Variants in SOS1 observed in about 807,000 individuals in gnomAD.
SOS1 encodes the protein son of sevenless homolog 1.
In SOS1, 25 loss-of-function variants were observed where a neutral mutation model predicts 157.6. That is an observed-to-expected ratio of 0.16 (90% CI 0.12 to 0.22). The LOEUF (loss-of-function observed/expected upper bound fraction) is 0.22. Among genes scored for constraint, SOS1 ranks in the 10% least tolerant of loss-of-function variants. The pLI is 1.00. For missense variants in SOS1, 1,237 were observed against 1,599.1 expected, an observed-to-expected ratio of 0.77 and a Z score of 3.86; for synonymous variants, 528 against 534.0, an observed-to-expected ratio of 0.99 and a Z score of 0.16.
chr2:39,031,602 C>A (rs1263211514), intron 8 of SOS1, among the ~76,000 whole-genome samples: 1 of 151,792 alleles, frequency 6.6e-6, no homozygotes, highest in Non-Finnish European at 1.5e-5. Context: ...TAGTGGCGGG[C>A]GTCTGTAATT....
Position 38,992,884 on chromosome 2 carries a change from T to TTTTTTAC in SOS1, c.3346+2232_3346+2238dup, listed in dbSNP as rs1668775442. On this transcript the variant is annotated intron_variant, in intron 20 of 22. Coordinates refer to ENST00000402219, the MANE Select transcript of SOS1 (RefSeq NM_005633.4). ...AGCTGGGGAGAATAAATGGGAATCT[T>TTTTTTAC]TTTTTACTTGGTGTCTATTTGAACT... 2.6e-5 allele frequency: 4 copies of TTTTTTAC among 152,240 alleles called. No homozygotes were observed. In the South Asian group the frequency reaches 8.3e-4, roughly 32 times the overall value. 9.4% of individuals were successfully genotyped at this position (152,240 alleles called of 1,614,324 possible).
chr2:39,040,130 G>A (rs930349699), intron 6 of SOS1, among the ~76,000 whole-genome samples: 1 of 151,730 alleles, frequency 6.6e-6, no homozygotes, highest in African/African-American at 2.4e-5. Context: ...TCCTGCCTCA[G>A]CCTCCCGAGT....
chr2:39,018,910 A>T (rs1213275113), intron 10 of SOS1, among the ~76,000 whole-genome samples: 1 of 151,856 alleles, frequency 6.6e-6, no homozygotes, highest in Admixed American at 6.6e-5. Flanking sequence ...CTGACGCACA[A>T]ACACTTTTTT....
intron 17 of SOS1, among the ~76,000 whole-genome samples, chr2:39,004,105 T>C (rs1418506616): frequency 6.6e-6 from 1 of 152,110 alleles, no homozygotes; most frequent in African/African-American, 2.4e-5. Context: ...GTCAGTGAGA[T>C]ACAATACATA....
chr2:38,982,913 G>C lies in SOS1; in HGVS notation c.*2911C>G, dbSNP rs995432694. ...CATAGTAATTGTTCTCTGGGCTGTT[G>C]TTGACTGTAGTATTAGTGTGGCATG... is the stretch of plus-strand genomic sequence containing the variant. On this transcript the variant is annotated 3_prime_UTR_variant, in exon 23 of 23. Coordinates refer to ENST00000402219, the MANE Select transcript of SOS1 (RefSeq NM_005633.4). 6.6e-6 allele frequency: 1 copy of C among 152,114 alleles called. No individual in the cohort carries two copies. The highest frequency in any genetic ancestry group is 2.4e-5 in the African/African-American group (1 of 41,418). 9.4% of individuals were successfully genotyped at this position (152,114 alleles called of 1,614,324 possible). A position where few individuals can be genotyped will look rare whatever the true frequency, so the allele number is the denominator to read the frequency against.
In SOS1 at chr2:38,983,651, G is replaced by A. The variant is rs1039492007; in HGVS notation, c.*2173C>T. 1 of 152,136 alleles carries A rather than the reference G, an allele frequency of 6.6e-6. No individual in the cohort carries two copies. Among genetic ancestry groups the A allele is most frequent in the African/African-American group, 2.4e-5 (1 of 41,428 alleles). The allele number at this position is 152,136 out of a possible 1,614,324, so 9.4% of individuals were successfully genotyped here. ...TGTGACTTTTACCAGGTTCTCATTTGGAATGTGCCTGGGGCAATTAAAAAG... is the reference window on the plus strand; with the variant it reads ...TGTGACTTTTACCAGGTTCTCATTTAGAATGTGCCTGGGGCAATTAAAAAG... On this transcript the variant is annotated 3_prime_UTR_variant, in exon 23 of 23. Transcript: ENST00000402219.
At chr2:39,079,516 A>T in intron 1 of SOS1, among the ~76,000 whole-genome samples, 1 of 49,492 alleles carries the variant, frequency 2.0e-5, no homozygotes. Flanking sequence ...TTTTTTTGAG[A>T]CGGAGTCTCG....
chr2:39,007,816 TAC>T, intron 15 of SOS1, among the ~76,000 whole-genome samples: 1 of 151,736 alleles, frequency 6.6e-6, no homozygotes, highest in African/African-American at 2.4e-5. Context: ...AAAACACACA[TAC>T]ACACAAACAC....
intron 1 of SOS1, among the ~76,000 whole-genome samples, chr2:39,118,822 G>C (rs1414073758): frequency 6.6e-6 from 1 of 152,164 alleles, no homozygotes; most frequent in African/African-American, 2.4e-5. Context: ...AAATGCTTTT[G>C]TGGACAGATT....
chr2:39,031,270 A>G (rs983931478), intron 8 of SOS1, among the ~76,000 whole-genome samples: 4 of 152,242 alleles, frequency 2.6e-5, no homozygotes, highest in Non-Finnish European at 5.9e-5. Flanking sequence ...CATACAAGAA[A>G]AAGAATAGGC....
At chr2:39,032,820 C>A (rs1670211776) in intron 8 of SOS1, among the ~76,000 whole-genome samples, 1 of 151,930 alleles carries the variant, frequency 6.6e-6, no homozygotes, top group Non-Finnish European at 1.5e-5. Flanking sequence ...AATTAGTCGG[C>A]TGTGGTGGCA....
chr2:39,012,427 C>T, intron 13 of SOS1, 79 bp from the exon 14 acceptor site: 3 of 586,864 alleles, frequency 5.1e-6, no homozygotes, highest in Non-Finnish European at 7.8e-6. Context: ...TTTAAAGTCA[C>T]ACGGATGACA....
intron 1 of SOS1, among the ~76,000 whole-genome samples, chr2:39,085,723 G>A (rs759406439): frequency 1.3e-5 from 2 of 151,894 alleles, no homozygotes; most frequent in African/African-American, 2.4e-5. Flanking sequence ...ACAATAAAAC[G>A]GTCAATGTCA....
At chr2:39,014,642 T>A in intron 11 of SOS1, 123 bp downstream of exon 11, 1 of 525,676 alleles carries the variant, frequency 1.9e-6, no homozygotes. Context: ...AGAGATTTTA[T>A]TTATTGAAAA....
chr2:39,003,653 A>C (rs566391286), intron 17 of SOS1, among the ~76,000 whole-genome samples: 2 of 152,360 alleles, frequency 1.3e-5, no homozygotes, highest in African/African-American at 4.8e-5. Flanking sequence ...AAATATAATA[A>C]ATGTTCTTTA....
At chr2:39,057,244 T>G (rs550051736) in intron 3 of SOS1, among the ~76,000 whole-genome samples, 2 of 152,284 alleles carry the variant, frequency 1.3e-5, no homozygotes, top group South Asian at 4.1e-4. Flanking sequence ...AAATGAGAGT[T>G]AATATATTAT....
In SOS1 at chr2:39,001,389, A is replaced by G. The variant is rs7584569; in HGVS notation, c.2792-3964T>C. Among the ~76,000 whole-genome samples, 101 of 152,288 alleles carry G rather than the reference A, an allele frequency of 6.6e-4. 1 individual carries two copies. Among genetic ancestry groups the G allele is most frequent in the African/African-American group, 2.2e-3 (92 of 41,576 alleles). Reference sequence around the variant, plus strand: ...AAAAAATTCATTTCTTAGCCCACCTATCCATTCTCCTATCAGTAGAATATT... The same window carrying G: ...AAAAAATTCATTTCTTAGCCCACCTGTCCATTCTCCTATCAGTAGAATATT... On this transcript the variant is annotated intron_variant, in intron 17 of 22. Transcript: ENST00000402219.
intron 15 of SOS1, among the ~76,000 whole-genome samples, chr2:39,007,775 G>A (rs1669327882): frequency 1.3e-5 from 2 of 152,064 alleles, no homozygotes; most frequent in African/African-American, 4.8e-5. Flanking sequence ...AGTATGAGGA[G>A]CTTCACTGAG....
chr2:39,120,204 G>C (rs1050455422), intron 1 of SOS1, 132 bp downstream of exon 1: 1 of 770,336 alleles, frequency 1.3e-6, no homozygotes, highest in Admixed American at 3.7e-5. Context: ...CTCTCCGTGT[G>C]CGCCGTCCTT....
Sources: allele counts gnomAD v4.1 joint callset (sites outside exome capture counted in the v4.1 genomes callset), GRCh38; gene constraint gnomAD v4.1.1; transcripts MANE v1.5; gene names NCBI Gene and HGNC (gene_info 2026-07-23, HGNC 2026-07-21).